Variants in BRWD1 observed in about 807,000 individuals in gnomAD.
BRWD1 encodes bromodomain and WD repeat-containing protein 1.
A neutral mutation model predicts 251.2 loss-of-function variants in BRWD1; 82 were observed. That is an observed-to-expected ratio of 0.33 (90% CI 0.27 to 0.39). The LOEUF (loss-of-function observed/expected upper bound fraction) is 0.39, where lower values mean the gene tolerates loss of function less well. Among genes scored for constraint, BRWD1 ranks in the 10% least tolerant of loss-of-function variants. The pLI, the probability that BRWD1 is intolerant of heterozygous loss-of-function variation, is 1.00. For missense variants in BRWD1, 2,233 were observed against 2,711.6 expected (o/e 0.82, Z 3.92); for synonymous variants, 918 against 902.8 (o/e 1.02, Z -0.30).
intron 21 of BRWD1, among the ~76,000 whole-genome samples, chr21:39,240,786 T>A (rs1423660320): frequency 6.6e-6 from 1 of 152,208 alleles, no homozygotes; most frequent in Non-Finnish European, 1.5e-5. Flanking sequence ...ATAAGAAGGA[T>A]AAATAACTTT....
At chr21:39,306,234 T>A (rs748714857) in intron 4 of BRWD1, among the ~76,000 whole-genome samples, 34 of 151,956 alleles carry the variant, frequency 2.2e-4, no homozygotes, top group Middle Eastern at 3.2e-3. Context: ...CACGTCTGGC[T>A]AATTTTTTGT....
intron 4 of BRWD1, among the ~76,000 whole-genome samples, chr21:39,305,628 G>A (rs1029534056): frequency 6.6e-6 from 1 of 152,244 alleles, no homozygotes; most frequent in Non-Finnish European, 1.5e-5. Flanking sequence ...ACTTTGGGAG[G>A]CTGAGGTGGG....
intron 17 of BRWD1, among the ~76,000 whole-genome samples, chr21:39,264,084 T>C (rs1331555694): frequency 2.6e-5 from 4 of 152,184 alleles, no homozygotes; most frequent in African/African-American, 9.7e-5. Flanking sequence ...CTATGACAAC[T>C]AACTTTCGTA....
intron 4 of BRWD1, among the ~76,000 whole-genome samples, chr21:39,302,975 C>CT (rs1218636732): frequency 2.0e-5 from 3 of 151,868 alleles, no homozygotes; most frequent in Non-Finnish European, 4.4e-5. Context: ...CAGAGAACTG[C>CT]TTGAACCCAG....
chr21:39,306,602 C>A (rs905688610), intron 4 of BRWD1, among the ~76,000 whole-genome samples: 1 of 151,768 alleles, frequency 6.6e-6, no homozygotes, highest in Non-Finnish European at 1.5e-5. Context: ...TTTCTTTGAC[C>A]GGAAAAAATA....
intron 40 of BRWD1, 105 bp downstream of exon 40, chr21:39,198,658 A>C: frequency 1.0e-6 from 1 of 967,352 alleles, no homozygotes; most frequent in Non-Finnish European, 1.5e-6. Context: ...CAGCAAAGAG[A>C]AAAAAGTTTC....
chr21:39,295,778 C>T lies in BRWD1; in HGVS notation c.574G>A (p.Val192Ile). The part of the protein sequence containing the change: ...ILGHLSAVYC[V>I]AFDRTGHRIF... ...CTATGTCCTGTCCTATCAAATGCTA[C>T]ACAGTAAACAGCAGATAGATGTCCG... Residue 192 changes from valine (V) to isoleucine (I), a missense_variant, in exon 7 of 41, where the codon GTA becomes ATA. This residue lies in a region of BRWD1 where 185 missense variants were observed against 260.6 expected (regional missense o/e 0.71). Coordinates refer to ENST00000342449, the MANE Select transcript of BRWD1 (RefSeq NM_033656.4). 1 of 1,607,014 alleles carries T rather than the reference C, an allele frequency of 6.2e-7. No individual in the cohort carries two copies. Among genetic ancestry groups the T allele is most frequent in the Non-Finnish European group, 8.5e-7 (1 of 1,176,006 alleles).
At chr21:39,261,431 AT>A (rs1466992379) in intron 17 of BRWD1, among the ~76,000 whole-genome samples, 1 of 152,196 alleles carries the variant, frequency 6.6e-6, no homozygotes, top group African/African-American at 2.4e-5. Context: ...GTAAAAAGAC[AT>A]GTATTCATGT....
At chr21:39,232,576 C>T in intron 23 of BRWD1, 78 bp from the exon 24 acceptor site, 1 of 1,500,284 alleles carries the variant, frequency 6.7e-7, no homozygotes, top group Non-Finnish European at 8.9e-7. Flanking sequence ...ATAAAAGAAA[C>T]TTTCACCATT....
At position 39,198,859 on chromosome 21, in the gene BRWD1, G is replaced by A; in HGVS notation, c.5557C>T (p.Pro1853Ser). The A allele has an allele frequency of 6.2e-7, 1 of 1,613,458 alleles. No individual in the cohort carries two copies. Among genetic ancestry groups the A allele is most frequent in the Non-Finnish European group, 8.5e-7 (1 of 1,179,564 alleles). ...GAGGAACACTGGGACATAGCAATAG[G>A]GTCACAGTTCAGATTTCCTGAAATT... ...NPISGNLNCD[P>S]IAMSQCSSDH... The change falls in exon 40 of 41, where the codon CCT becomes TCT. Residue 1853 changes from proline (P) to serine (S), a missense_variant. This residue lies in a region of BRWD1 where 928 missense variants were observed against 970.0 expected (regional missense o/e 0.96). Coordinates refer to ENST00000342449, the MANE Select transcript of BRWD1 (RefSeq NM_033656.4).
chr21:39,211,251 T>C (rs1355923710), intron 34 of BRWD1, among the ~76,000 whole-genome samples: 1 of 152,212 alleles, frequency 6.6e-6, no homozygotes, highest in Admixed American at 6.5e-5. Context: ...GAAGCACATC[T>C]GATAATATGA....
At chr21:39,229,617 T>C (rs2033528233) in intron 25 of BRWD1, among the ~76,000 whole-genome samples, 181 bp from the exon 26 acceptor site, 1 of 152,198 alleles carries the variant, frequency 6.6e-6, no homozygotes, top group Non-Finnish European at 1.5e-5. Flanking sequence ...TTTAATACAG[T>C]TTCTAATACA....
intron 8 of BRWD1, among the ~76,000 whole-genome samples, chr21:39,284,480 G>C (rs1443216276): frequency 6.6e-6 from 1 of 152,124 alleles, no homozygotes; most frequent in Non-Finnish European, 1.5e-5. Context: ...CCTGCCTCTG[G>C]GGGAGGCGGG....
intron 13 of BRWD1, 150 bp downstream of exon 13, chr21:39,274,224 A>T: frequency 1.6e-6 from 1 of 623,212 alleles, no homozygotes; most frequent in Admixed American, 2.7e-5. Context: ...GTACGCAGCT[A>T]TTCACTTATA....
In BRWD1 at chr21:39,198,956, A is replaced by G. The variant is rs758220758; in HGVS notation, c.5460T>C (p.Ser1820=). 5 of 1,613,928 alleles carry G rather than the reference A, an allele frequency of 3.1e-6. No homozygotes were observed. The East Asian group carries it at 8.9e-5, about 29-fold the overall frequency. ...ASFFKKTKIL[S]DSEDSESEEQ... is the part of the protein sequence containing the mutation. ...CTTCAGATTCAGAGTCTTCTGAGTC[A>G]CTCAGAATCTTGGTTTTTTTAAAGA... Residue 1820 remains serine (S), a synonymous_variant, in exon 40 of 41, where the codon AGT becomes AGC. Transcript: ENST00000342449.
Position 39,186,222 on chromosome 21 carries a change from T to C in BRWD1, c.*10037A>G, listed in dbSNP as rs887350756. ...CCTGCCTCTTAATGAGGCACATTTT[T>C]GGCATTTCTGTAAATGCTGCTACAT... On this transcript the variant is annotated 3_prime_UTR_variant, in exon 41 of 41. Transcript: ENST00000342449. The C allele has an allele frequency of 2.6e-5, 4 of 152,220 alleles. No individual in the cohort carries two copies. Among genetic ancestry groups the C allele is most frequent in the African/African-American group, 9.6e-5 (4 of 41,466 alleles). 9.4% of individuals were successfully genotyped at this position (152,220 alleles called of 1,614,324 possible). A position where few individuals can be genotyped will look rare whatever the true frequency, so the allele number is the denominator to read the frequency against.
chr21:39,311,285 A>C (rs563130556), intron 4 of BRWD1, among the ~76,000 whole-genome samples: 2 of 152,148 alleles, frequency 1.3e-5, no homozygotes, highest in African/African-American at 4.8e-5. Flanking sequence ...CTTCCGCCTC[A>C]GCCTCCGAAA....
At chr21:39,266,187 T>C (rs955177870) in intron 15 of BRWD1, among the ~76,000 whole-genome samples, 18 of 152,132 alleles carry the variant, frequency 1.2e-4, no homozygotes, top group African/African-American at 4.3e-4. Flanking sequence ...ATGAAAAGGA[T>C]GACAATTAGC....
rs753715394 is a variant in BRWD1, at chr21:39,229,448, A to G, written c.3001-12T>C. On this transcript the variant is annotated splice_polypyrimidine_tract_variant and intron_variant, in intron 25 of 40. Coordinates refer to ENST00000342449, the MANE Select transcript of BRWD1 (RefSeq NM_033656.4). ...ACCAATTCTTGATCCTTTAACAGAC[A>G]TATTTTTTAATGGTTAAAATAAAAG... 5.0e-6 allele frequency: 8 copies of G among 1,593,462 alleles called. No individual in the cohort carries two copies. The highest frequency in any genetic ancestry group is 4.0e-5 in the African/African-American group (3 of 74,280).
Sources: allele counts gnomAD v4.1 joint callset (sites outside exome capture counted in the v4.1 genomes callset), GRCh38; gene constraint gnomAD v4.1.1; regional missense constraint gnomAD v4.1.1; transcripts MANE v1.5; gene names NCBI Gene and HGNC (gene_info 2026-07-23, HGNC 2026-07-21).